DCK: variants seen among roughly 807,000 people sequenced by gnomAD.
The protein encoded by DCK is deoxyadenosine kinase.
A neutral mutation model predicts 38.3 loss-of-function variants in DCK; 23 were observed. That is an observed-to-expected ratio of 0.60 (90% CI 0.43 to 0.85). DCK has a LOEUF of 0.85. DCK is among the 40% of genes least tolerant of loss of function. DCK has a pLI of 0.00. For synonymous variants in DCK, 108 were observed against 100.6 expected, an observed-to-expected ratio of 1.07 and a Z score of -0.44; for missense variants, 259 against 304.4, an observed-to-expected ratio of 0.85 and a Z score of 1.11.
intron 2 of DCK, among the ~76,000 whole-genome samples, chr4:71,009,730 G>T (rs1306078789): frequency 6.6e-6 from 1 of 152,034 alleles, no homozygotes; most frequent in East Asian, 1.9e-4. Flanking sequence ...TGTGTATTGG[G>T]GACTGCTCCG....
At chr4:71,008,621 A>G (rs1329099919) in intron 2 of DCK, among the ~76,000 whole-genome samples, 1 of 152,190 alleles carries the variant, frequency 6.6e-6, no homozygotes, top group Non-Finnish European at 1.5e-5. Context: ...GGTAGTAGAC[A>G]GAAACTAACC....
chr4:71,029,181 G>A (rs1308969570), intron 6 of DCK, among the ~76,000 whole-genome samples, 171 bp from the exon 7 acceptor site: 8 of 152,110 alleles, frequency 5.3e-5, no homozygotes, highest in South Asian at 4.1e-4. Flanking sequence ...GGCATGAGCC[G>A]CTGCGCCCGG....
rs1017542516 is a variant in DCK, at chr4:71,029,577, G to A, written c.*199G>A. The A allele has an allele frequency of 1.1e-5, 6 of 536,044 alleles. No individual in the cohort carries two copies. The highest frequency in any genetic ancestry group is 3.9e-5 in the African/African-American group (2 of 51,080). 33.2% of individuals were successfully genotyped at this position (536,044 alleles called of 1,614,324 possible). The stretch of plus-strand genomic sequence containing the variant: ...TTTCTTTTGTTTTTTTTTTAAAAAA[G>A]ACATTTAAAGACAAAGACATTATTT... On this transcript the variant is annotated 3_prime_UTR_variant, in exon 7 of 7. Transcript: ENST00000286648.
intron 2 of DCK, among the ~76,000 whole-genome samples, chr4:71,012,544 G>A (rs901448977): frequency 6.6e-6 from 1 of 152,166 alleles, no homozygotes; most frequent in African/African-American, 2.4e-5. Context: ...ACCTCATACG[G>A]CTGGGTACCC....
At chr4:71,002,767 C>G (rs1458241061) in intron 2 of DCK, among the ~76,000 whole-genome samples, 1 of 152,026 alleles carries the variant, frequency 6.6e-6, no homozygotes, top group Non-Finnish European at 1.5e-5. Context: ...TTATCTGAGA[C>G]TAGGATTGCA....
At chr4:71,023,809 C>T (rs956548837) in intron 4 of DCK, 103 bp downstream of exon 4, 154 of 944,578 alleles carry the variant, frequency 1.6e-4, no homozygotes, top group Non-Finnish European at 2.2e-4. Context: ...TCCAGCCTCC[C>T]AACCTCCCAC....
At chr4:71,026,599 T>G (rs1439806546) in intron 5 of DCK, 66 bp from the exon 6 acceptor site, 1 of 830,160 alleles carries the variant, frequency 1.2e-6, no homozygotes, top group African/African-American at 1.8e-5. Context: ...ACGAATGAAT[T>G]TTTAATGTTT....
chr4:71,020,135 A>G (rs1330926544), intron 2 of DCK, among the ~76,000 whole-genome samples: 1 of 152,008 alleles, frequency 6.6e-6, no homozygotes, highest in Non-Finnish European at 1.5e-5. Flanking sequence ...CTTTGTTTAT[A>G]ATTTATTTGT....
chr4:71,028,746 C>G (rs952092921), intron 6 of DCK: 3 of 335,704 alleles, frequency 8.9e-6, no homozygotes, highest in African/African-American at 7.2e-5. Flanking sequence ...GTGCACGCCT[C>G]CATGCCTAGC....
At chr4:70,997,580 A>C (rs146427702) in intron 1 of DCK, among the ~76,000 whole-genome samples, 2 of 152,178 alleles carry the variant, frequency 1.3e-5, no homozygotes, top group Admixed American at 6.5e-5. Flanking sequence ...ATTTAAATAT[A>C]GTTCTGCAAG....
In DCK at chr4:70,993,711, G is replaced by T. The variant is rs1302115886; in HGVS notation, c.-125G>T. ...CCGACACCCGCCGGCGGGCCGGTGA[G>T]CTCACTAGCTGACCCGGCAGGTCAG... is the stretch of plus-strand genomic sequence containing the variant. On this transcript the variant is annotated 5_prime_UTR_variant, in exon 1 of 7. Coordinates refer to ENST00000286648, the MANE Select transcript of DCK (RefSeq NM_000788.3). 54 of 638,444 alleles carry T rather than the reference G, an allele frequency of 8.5e-5. No individual in the cohort carries two copies. The East Asian group carries it at 1.4e-3, about 16-fold the overall frequency. 39.5% of individuals were successfully genotyped at this position (638,444 alleles called of 1,614,324 possible).
intron 2 of DCK, among the ~76,000 whole-genome samples, chr4:71,012,667 G>C (rs1376371226): frequency 6.6e-6 from 1 of 152,208 alleles, no homozygotes; most frequent in African/African-American, 2.4e-5. Context: ...GTCTGGAGTG[G>C]ACCTCCAGCA....
chr4:71,015,685 CATG>C (rs1317084182), intron 2 of DCK, among the ~76,000 whole-genome samples: 6 of 152,190 alleles, frequency 3.9e-5, no homozygotes, highest in Non-Finnish European at 7.3e-5. Flanking sequence ...ACAAAAACCA[CATG>C]ATTATCTCAA....
At chr4:71,011,261 C>T (rs1461155273) in intron 2 of DCK, among the ~76,000 whole-genome samples, 48 of 124,844 alleles carry the variant, frequency 3.8e-4, no homozygotes, top group Non-Finnish European at 5.5e-4. Context: ...TTTTTTAAGA[C>T]GGAGTCTTGC....
chr4:71,019,304 CT>C (rs1466932616), intron 2 of DCK, among the ~76,000 whole-genome samples: 1 of 151,924 alleles, frequency 6.6e-6, no homozygotes, highest in East Asian at 1.9e-4. Flanking sequence ...ATATAGTAAA[CT>C]TTGAAATTGC....
chr4:70,996,308 A>G (rs540640001), intron 1 of DCK, among the ~76,000 whole-genome samples: 4 of 152,184 alleles, frequency 2.6e-5, no homozygotes, highest in Non-Finnish European at 5.9e-5. Flanking sequence ...GGCTGCCGTG[A>G]GCTGTGGTTG....
intron 4 of DCK, 105 bp downstream of exon 4, chr4:71,023,811 A>G: frequency 2.1e-6 from 2 of 944,452 alleles, no homozygotes; most frequent in South Asian, 4.5e-5. Context: ...CAGCCTCCCA[A>G]CCTCCCACTC....
intron 2 of DCK, among the ~76,000 whole-genome samples, chr4:71,001,053 T>G (rs1739789735): frequency 6.6e-6 from 1 of 152,200 alleles, no homozygotes; most frequent in Non-Finnish European, 1.5e-5. Flanking sequence ...AATACTATGT[T>G]GAATAGGAGA....
At chr4:71,006,478 T>G (rs16845626) in intron 2 of DCK, 4,540 of 160,070 alleles carry the variant, frequency 0.028, 98 homozygotes, top group Middle Eastern at 0.057. Context: ...TGGAATTTTT[T>G]TTTTTTTAAG....
Sources: gnomAD v4.1 joint callset for allele counts (sites outside exome capture counted in the v4.1 genomes callset) on GRCh38, gnomAD v4.1.1 for gene constraint, MANE v1.5 for transcripts, NCBI Gene and HGNC (gene_info 2026-07-23, HGNC 2026-07-21) for gene names.